DGKB: variants seen among roughly 807,000 people sequenced by gnomAD.
DGKB encodes the protein diacylglycerol kinase beta, also known as 90 kDa diacylglycerol kinase.
Under a neutral mutation model 114.3 loss-of-function variants are expected in DGKB, and 67 were observed. The observed-to-expected ratio is 0.59, with a 90% confidence interval of 0.48 to 0.72. The LOEUF is 0.72. DGKB is among the 30% of genes least tolerant of loss of function. The probability of loss-of-function intolerance (pLI) is 0.00; values close to 1 mark genes in which losing one functional copy is unlikely to be tolerated. For missense variants in DGKB, 907 were observed against 975.2 expected, an observed-to-expected ratio of 0.93 and a Z score of 0.93; for synonymous variants, 398 against 323.1, an observed-to-expected ratio of 1.23 and a Z score of -2.49.
chr7:14,909,316 T>C (rs1448668144), intron 1 of DGKB, among the ~76,000 whole-genome samples: 1 of 152,148 alleles, frequency 6.6e-6, no homozygotes, highest in African/African-American at 2.4e-5. Context: ...AAACTCAGCA[T>C]AAAGAAAGAT....
At chr7:14,707,069 G>A (rs1241966901) in intron 6 of DGKB, among the ~76,000 whole-genome samples, 1 of 149,720 alleles carries the variant, frequency 6.7e-6, no homozygotes, top group Non-Finnish European at 1.5e-5. Flanking sequence ...CAGACCGCTA[G>A]CAAGACTAAT....
At chr7:14,569,475 CAA>C (rs1370073697) in intron 20 of DGKB, among the ~76,000 whole-genome samples, 2 of 152,070 alleles carry the variant, frequency 1.3e-5, no homozygotes, top group African/African-American at 2.4e-5. Flanking sequence ...AGAGTTCTAA[CAA>C]AAGTTTTTTC....
chr7:14,354,755 A>T (rs1213216020), intron 21 of DGKB, among the ~76,000 whole-genome samples: 1 of 152,146 alleles, frequency 6.6e-6, no homozygotes, highest in Non-Finnish European at 1.5e-5. Flanking sequence ...ATTTTGATAT[A>T]ATTAATAGGA....
intron 23 of DGKB, among the ~76,000 whole-genome samples, chr7:14,333,434 C>T (rs1376964037): frequency 6.8e-6 from 1 of 146,614 alleles, no homozygotes; most frequent in African/African-American, 2.5e-5. Context: ...GCAATCCAGC[C>T]TGGGCAACAG....
At chr7:14,512,157 C>T (rs1027015076) in intron 20 of DGKB, among the ~76,000 whole-genome samples, 1 of 152,146 alleles carries the variant, frequency 6.6e-6, no homozygotes, top group Non-Finnish European at 1.5e-5. Flanking sequence ...TTATAAAAAG[C>T]ACAGTGTCTG....
At chr7:14,457,696 G>T (rs1289924402) in intron 21 of DGKB, among the ~76,000 whole-genome samples, 2 of 152,132 alleles carry the variant, frequency 1.3e-5, no homozygotes, top group Non-Finnish European at 2.9e-5. Flanking sequence ...TTCATCAAAT[G>T]GGATCAAAAG....
At chr7:14,421,894 A>G (rs74366658) in intron 21 of DGKB, among the ~76,000 whole-genome samples, 4,152 of 152,130 alleles carry the variant, frequency 0.027, 195 homozygotes, top group African/African-American at 0.093. Flanking sequence ...AAGTGCCAAT[A>G]TTAAATATCT....
intron 21 of DGKB, among the ~76,000 whole-genome samples, chr7:14,458,654 G>T (rs1584097083): frequency 6.6e-6 from 1 of 152,162 alleles, no homozygotes; most frequent in Admixed American, 6.5e-5. Context: ...CATGAGGGAT[G>T]GTGCATCCCG....
chr7:14,360,497 G>C (rs1387803655), intron 21 of DGKB, among the ~76,000 whole-genome samples: 1 of 151,284 alleles, frequency 6.6e-6, no homozygotes, highest in Admixed American at 6.6e-5. Context: ...TTTTAATAGA[G>C]TTCAACATAT....
chr7:14,469,353 C>T (rs1780937675), intron 21 of DGKB, among the ~76,000 whole-genome samples: 1 of 151,980 alleles, frequency 6.6e-6, no homozygotes, highest in Non-Finnish European at 1.5e-5. Flanking sequence ...AGTATTTTAT[C>T]CAAGCTTCAG....
intron 23 of DGKB, among the ~76,000 whole-genome samples, chr7:14,302,094 T>C (rs1803664962): frequency 6.6e-6 from 1 of 151,958 alleles, no homozygotes; most frequent in African/African-American, 2.4e-5. Flanking sequence ...TCCACAAACA[T>C]AGCATGGAAT....
rs948693044 is a variant in DGKB at position 14,852,486 on chromosome 7, T to TCAAAAAAAAAAAAACAAAAAA, written c.-187-11037_-187-11036insTTTTTTGTTTTTTTTTTTTTG. ...AGAGGAATAGCTAAAATAGTGAAAG[T>TCAAAAAAAAAAAAACAAAAAA]CAAAAAAAAAACAGAAATCAAGCAT... On this transcript the variant is annotated intron_variant, in intron 1 of 25. Transcript: ENST00000402815. Among the ~76,000 whole-genome samples the TCAAAAAAAAAAAAACAAAAAA allele has an allele frequency of 7.7e-4, 6 of 7,778 alleles. 2 individuals carry two copies. The highest frequency in any genetic ancestry group is 1.9e-3 in the Non-Finnish European group (6 of 3,156). The allele number at this position is 7,778 out of a possible 152,430, so 5.1% of individuals were successfully genotyped here.
chr7:14,506,850 A>G (rs1787161004), intron 20 of DGKB, among the ~76,000 whole-genome samples: 1 of 152,204 alleles, frequency 6.6e-6, no homozygotes, highest in Admixed American at 6.5e-5. Flanking sequence ...CAAGTTGACC[A>G]TTGATTAGCT....
At chr7:14,695,518 G>C (rs372072963) in intron 8 of DGKB, among the ~76,000 whole-genome samples, 1 of 3,410 alleles carries the variant, frequency 2.9e-4, no homozygotes, top group African/African-American at 1.7e-3. Flanking sequence ...TTTTTTTTTT[G>C]AGATGGAGTC....
intron 20 of DGKB, among the ~76,000 whole-genome samples, chr7:14,561,931 C>T (rs765878431): frequency 5.3e-5 from 8 of 152,204 alleles, no homozygotes; most frequent in Admixed American, 6.5e-5. Context: ...GTCTCCAGAG[C>T]ATGCGAGAGA....
intron 6 of DGKB, among the ~76,000 whole-genome samples, chr7:14,711,614 A>G (rs1047438721): frequency 1.1e-4 from 17 of 152,298 alleles, no homozygotes; most frequent in African/African-American, 3.6e-4. Context: ...ATATGTACAC[A>G]TGTATATTGA....
chr7:14,905,475 C>T (rs1457357465), upstream of DGKB, among the ~76,000 whole-genome samples: 1 of 152,062 alleles, frequency 6.6e-6, no homozygotes, highest in African/African-American at 2.4e-5. Context: ...CTTCTCTGCT[C>T]CCATCACTAG....
intron 17 of DGKB, among the ~76,000 whole-genome samples, chr7:14,584,663 T>G (rs943426604): frequency 6.6e-6 from 1 of 152,040 alleles, no homozygotes; most frequent in Non-Finnish European, 1.5e-5. Context: ...TTTTTTATTT[T>G]TATTTTTTTT....
chr7:14,447,162 C>A (rs902222554), intron 21 of DGKB, among the ~76,000 whole-genome samples: 3 of 152,068 alleles, frequency 2.0e-5, no homozygotes, highest in African/African-American at 7.2e-5. Context: ...CTAGGGGGAA[C>A]TTTAGCTCCC....
Sources: allele counts gnomAD v4.1 joint callset (sites outside exome capture counted in the v4.1 genomes callset), GRCh38; gene constraint gnomAD v4.1.1; transcripts MANE v1.5; gene names NCBI Gene and HGNC (gene_info 2026-07-23, HGNC 2026-07-21).